The following DLGAP1 variants were observed in gnomAD, a reference collection of about 807,000 sequenced individuals.
DLGAP1 encodes the protein DLG associated protein 1, also known as disks large-associated protein 1.
DLGAP1 carries 11 observed loss-of-function variants against 90.8 expected under a neutral mutation model. The observed-to-expected ratio is 0.12, with a 90% CI of 0.08 to 0.20. DLGAP1 has a LOEUF of 0.20. DLGAP1 is among the 10% of genes least tolerant of loss of function. DLGAP1 has a pLI of 1.00. For synonymous variants in DLGAP1, 558 were observed against 540.7 expected, an observed-to-expected ratio of 1.03 and a Z score of -0.44; for missense variants, 1,050 against 1,333.8, an observed-to-expected ratio of 0.79 and a Z score of 3.31.
intron 2 of DLGAP1, among the ~76,000 whole-genome samples, chr18:4,081,279 C>T (rs531264912): frequency 4.0e-5 from 6 of 150,716 alleles, no homozygotes; most frequent in African/African-American, 1.2e-4. Context: ...TGTGCCATTG[C>T]ACTCCAGCCT....
chr18:3,741,261 T>TCAC (rs201995089), intron 6 of DLGAP1, among the ~76,000 whole-genome samples: 7,601 of 37,598 alleles, frequency 0.2, 554 homozygotes, highest in African/African-American at 0.3. Context: ...ACCACCACAA[T>TCAC]CACCACCACC....
chr18:4,307,771 A>G (rs1375288242), intron 1 of DLGAP1, among the ~76,000 whole-genome samples: 3 of 140,836 alleles, frequency 2.1e-5, no homozygotes, highest in East Asian at 4.3e-4. Context: ...GCTGGAGTGC[A>G]GTGGCATGAT....
At chr18:3,708,424 G>C (rs1162556092) in intron 7 of DLGAP1, 1 of 456,566 alleles carries the variant, frequency 2.2e-6, no homozygotes, top group Non-Finnish European at 4.4e-6. Flanking sequence ...TACCCATTTT[G>C]CCTGAGTGGT....
chr18:3,886,230 G>T (rs2071309386), intron 3 of DLGAP1, among the ~76,000 whole-genome samples: 1 of 152,110 alleles, frequency 6.6e-6, no homozygotes, highest in Non-Finnish European at 1.5e-5. Flanking sequence ...ATCAGGAAGA[G>T]GAAATCTCCA....
intron 9 of DLGAP1, among the ~76,000 whole-genome samples, chr18:3,536,864 G>A (rs371887841): frequency 2.6e-5 from 4 of 152,262 alleles, no homozygotes; most frequent in East Asian, 1.9e-4. Flanking sequence ...GAGACACGAG[G>A]AGAGAAGCAA....
intron 1 of DLGAP1, among the ~76,000 whole-genome samples, chr18:4,429,107 T>C (rs540699129): frequency 6.6e-6 from 1 of 152,354 alleles, no homozygotes; most frequent in African/African-American, 2.4e-5. Context: ...ATAATACCTT[T>C]GCAATGAAAT....
At chr18:4,193,159 C>T (rs1598590838) in intron 1 of DLGAP1, among the ~76,000 whole-genome samples, 1 of 152,282 alleles carries the variant, frequency 6.6e-6, no homozygotes, top group South Asian at 2.1e-4. Context: ...GTTAAGGACT[C>T]AAATGCTAGG....
chr18:3,723,327 G>A (rs931112207), intron 7 of DLGAP1, among the ~76,000 whole-genome samples: 3 of 152,186 alleles, frequency 2.0e-5, no homozygotes, highest in African/African-American at 7.2e-5. Flanking sequence ...GGATGATGTA[G>A]AAGTTTGTTT....
intron 7 of DLGAP1, among the ~76,000 whole-genome samples, chr18:3,648,726 A>C (rs954749658): frequency 6.6e-6 from 1 of 152,256 alleles, no homozygotes; most frequent in Admixed American, 6.5e-5. Context: ...GTTTACATTG[A>C]AAACTTTCAC....
intron 7 of DLGAP1, among the ~76,000 whole-genome samples, chr18:3,611,637 A>G (rs2057633317): frequency 6.6e-6 from 1 of 152,208 alleles, no homozygotes; most frequent in Admixed American, 6.5e-5. Context: ...GCACCTTGGA[A>G]CATGGCAGAA....
At chr18:4,102,515 C>A (rs1203459507) in intron 2 of DLGAP1, among the ~76,000 whole-genome samples, 2 of 152,094 alleles carry the variant, frequency 1.3e-5, no homozygotes, top group Non-Finnish European at 2.9e-5. Context: ...GAAGACTCAG[C>A]TATAGAATAA....
At chr18:4,356,856 C>T (rs1330587566) in intron 1 of DLGAP1, among the ~76,000 whole-genome samples, 1 of 152,146 alleles carries the variant, frequency 6.6e-6, no homozygotes, top group Non-Finnish European at 1.5e-5. Context: ...TTGCTCTGCT[C>T]TAGTCCACTG....
chr18:3,943,125 G>T (rs2072804672), intron 3 of DLGAP1, among the ~76,000 whole-genome samples: 1 of 151,986 alleles, frequency 6.6e-6, no homozygotes, highest in South Asian at 2.1e-4. Flanking sequence ...TGTCTTTTCT[G>T]GTTATTTAGT....
intron 1 of DLGAP1, among the ~76,000 whole-genome samples, chr18:4,453,027 GTAC>G (rs2083873195): frequency 6.6e-6 from 1 of 152,154 alleles, no homozygotes; most frequent in Non-Finnish European, 1.5e-5. Flanking sequence ...ATGTATGCAA[GTAC>G]ATTCTTCTTT....
At chr18:3,624,035 G>A (rs2058202628) in intron 7 of DLGAP1, among the ~76,000 whole-genome samples, 1 of 152,178 alleles carries the variant, frequency 6.6e-6, no homozygotes, top group Admixed American at 6.5e-5. Context: ...AGCAGCGGAA[G>A]TAAGGCACAT....
At chr18:3,580,774 G>T in intron 8 of DLGAP1, 2 of 1,610,470 alleles carry the variant, frequency 1.2e-6, no homozygotes, top group East Asian at 4.5e-5. Flanking sequence ...AGACTTTGCA[G>T]TGTGCATGGT....
At position 3,841,231 on chromosome 18, in the gene DLGAP1, C is replaced by T. The variant is rs576317902; in HGVS notation, c.958-26958G>A. On this transcript the variant is annotated intron_variant, in intron 4 of 12. Transcript: ENST00000315677. ...ACAGAGCAGGTCCAGGAAAATAATG[C>T]CTGTTTAAAAGGACAATGGAAATGA... Among the ~76,000 whole-genome samples, 16 of 152,172 alleles carry T rather than the reference C, an allele frequency of 1.1e-4. No individual in the cohort carries two copies. The South Asian group carries it at 2.1e-3, about 20-fold the overall frequency.
At chr18:4,404,080 A>G (rs2082613356) in intron 1 of DLGAP1, among the ~76,000 whole-genome samples, 1 of 152,190 alleles carries the variant, frequency 6.6e-6, no homozygotes, top group Non-Finnish European at 1.5e-5. Flanking sequence ...GCCAGACACC[A>G]AAGTCACAGG....
intron 5 of DLGAP1, among the ~76,000 whole-genome samples, chr18:3,789,571 A>G (rs1229338604): frequency 6.6e-6 from 1 of 152,208 alleles, no homozygotes; most frequent in Non-Finnish European, 1.5e-5. Context: ...ATTTAAAGGG[A>G]CAATGAAGGA....
Sources: gnomAD v4.1 joint callset for allele counts (sites outside exome capture counted in the v4.1 genomes callset) on GRCh38, gnomAD v4.1.1 for gene constraint, MANE v1.5 for transcripts, NCBI Gene and HGNC (gene_info 2026-07-23, HGNC 2026-07-21) for gene names.